Variants in CLNK observed in about 807,000 individuals in gnomAD.
CLNK encodes the protein cytokine dependent hematopoietic cell linker.
Under a neutral mutation model 68.6 loss-of-function variants are expected in CLNK, and 74 were observed. That is an observed-to-expected ratio of 1.08 (90% confidence interval 0.89 to 1.31). The LOEUF (loss-of-function observed/expected upper bound fraction) is 1.31. Ranked by LOEUF, CLNK falls within the 50% of genes most tolerant of loss-of-function variation. The pLI is 0.00. For missense variants in CLNK, 553 were observed against 515.3 expected (o/e 1.07, Z -0.71); for synonymous variants, 198 against 172.2 (o/e 1.15, Z -1.17).
chr4:10,626,959 C>G (rs1030206329), intron 2 of CLNK, among the ~76,000 whole-genome samples: 3 of 152,180 alleles, frequency 2.0e-5, no homozygotes, highest in African/African-American at 7.2e-5. Context: ...CACGTTTCAT[C>G]CATAGACTAG....
intron 11 of CLNK, among the ~76,000 whole-genome samples, chr4:10,534,225 A>G (rs1006880108): frequency 1.3e-5 from 2 of 152,180 alleles, no homozygotes; most frequent in South Asian, 2.1e-4. Context: ...AATCAATGGA[A>G]TTTTCACTGA....
chr4:10,632,538 A>G (rs1047990504), intron 2 of CLNK, among the ~76,000 whole-genome samples: 2 of 152,266 alleles, frequency 1.3e-5, no homozygotes, highest in Non-Finnish European at 1.5e-5. Context: ...ACTAAGTTGA[A>G]ATGCCACAAG....
chr4:10,491,558 A>G (rs1446784697), intron 18 of CLNK, among the ~76,000 whole-genome samples: 1 of 152,226 alleles, frequency 6.6e-6, no homozygotes, highest in African/African-American at 2.4e-5. Flanking sequence ...CTAGATACAC[A>G]GATAAAATGT....
At chr4:10,529,184 TG>T (rs1718433726) in intron 12 of CLNK, among the ~76,000 whole-genome samples, 1 of 152,232 alleles carries the variant, frequency 6.6e-6, no homozygotes. Context: ...AATGGCCTGA[TG>T]GGGTCCATGA....
intron 2 of CLNK, among the ~76,000 whole-genome samples, chr4:10,604,060 A>T (rs1421384239): frequency 1.3e-5 from 2 of 152,244 alleles, no homozygotes; most frequent in Non-Finnish European, 2.9e-5. Context: ...AGCTATGCCA[A>T]CTGAACAAGC....
the CLNK span, among the ~76,000 whole-genome samples, chr4:10,722,781 G>A: frequency 6.6e-6 from 1 of 152,214 alleles, no homozygotes; most frequent in Non-Finnish European, 1.5e-5. Context: ...AGGGCGTGGT[G>A]GCTCACGCCT....
the CLNK span, among the ~76,000 whole-genome samples, chr4:10,693,624 C>T: frequency 1.3e-5 from 2 of 152,236 alleles, no homozygotes; most frequent in African/African-American, 4.8e-5. Flanking sequence ...GGACTCACTT[C>T]TGTTGTTGTA....
the CLNK span, among the ~76,000 whole-genome samples, chr4:10,711,746 T>A: frequency 5.3e-5 from 8 of 152,220 alleles, no homozygotes; most frequent in Non-Finnish European, 1.0e-4. Context: ...GAGTCTCAGA[T>A]CATCCACTTT....
At chr4:10,643,320 T>C (rs540801268) in intron 2 of CLNK, among the ~76,000 whole-genome samples, 4 of 152,384 alleles carry the variant, frequency 2.6e-5, no homozygotes, top group African/African-American at 7.2e-5. Flanking sequence ...ATTAACAGAA[T>C]GTCTCTTGGA....
At chr4:10,580,738 T>C (rs1207333336) in intron 4 of CLNK, among the ~76,000 whole-genome samples, 1 of 152,086 alleles carries the variant, frequency 6.6e-6, no homozygotes, top group African/African-American at 2.4e-5. Flanking sequence ...GTACAATGCG[T>C]TTGTGCTTAA....
At chr4:10,656,271 A>G (rs962590385) in intron 2 of CLNK, among the ~76,000 whole-genome samples, 1 of 151,438 alleles carries the variant, frequency 6.6e-6, no homozygotes, top group African/African-American at 2.4e-5. Context: ...AAAATGAGAA[A>G]AGTGTGCAGA....
At chr4:10,643,244 T>G (rs1723377899) in intron 2 of CLNK, among the ~76,000 whole-genome samples, 1 of 152,246 alleles carries the variant, frequency 6.6e-6, no homozygotes, top group Non-Finnish European at 1.5e-5. Flanking sequence ...TCATATGACT[T>G]CACACTCATG....
chr4:10,654,383 A>AT (rs1491535642), intron 2 of CLNK, among the ~76,000 whole-genome samples: 6 of 103,916 alleles, frequency 5.8e-5, no homozygotes, highest in South Asian at 3.1e-4. Flanking sequence ...TATATTGATT[A>AT]AATATATATA....
Position 10,682,800 on chromosome 4 carries a change from A to G in CLNK, c.-43+1868T>C, listed in dbSNP as rs752413590. On this transcript the variant is annotated intron_variant, in intron 1 of 18. Coordinates refer to ENST00000226951, the MANE Select transcript of CLNK (RefSeq NM_052964.4). ...CTGCCTACTTCATTAAGCTGTTAAG[A>G]TCATTCAAGAAGAAAATATGTATTC... Among the ~76,000 whole-genome samples, 21 of 152,330 alleles carry G rather than the reference A, an allele frequency of 1.4e-4. No homozygotes were observed. In the South Asian group the frequency reaches 4.1e-3, roughly 30 times the overall value.
chr4:10,711,485 CACTG>C, the CLNK span, among the ~76,000 whole-genome samples: 1 of 152,164 alleles, frequency 6.6e-6, no homozygotes, highest in Non-Finnish European at 1.5e-5. Context: ...TCTCAGAGAA[CACTG>C]AGAGTCTTAG....
chr4:10,567,131 G>GAAAAAAA (rs61037076), intron 5 of CLNK, among the ~76,000 whole-genome samples: 3 of 110,546 alleles, frequency 2.7e-5, no homozygotes, highest in African/African-American at 6.8e-5. Flanking sequence ...ACAATCTTGG[G>GAAAAAAA]AAAAAAAAAA....
At chr4:10,581,819 T>C (rs898383607) in intron 4 of CLNK, among the ~76,000 whole-genome samples, 1 of 152,080 alleles carries the variant, frequency 6.6e-6, no homozygotes, top group African/African-American at 2.4e-5. Flanking sequence ...AATAGAGACA[T>C]TTGTTATCTA....
At chr4:10,520,695 A>T in intron 15 of CLNK, 96 bp downstream of exon 15, 5 of 836,712 alleles carry the variant, frequency 6.0e-6, no homozygotes, top group Non-Finnish European at 1.0e-5. Flanking sequence ...ACATCAGCTC[A>T]GTGGCTCTGG....
chr4:10,558,490 G>A (rs1719764676), intron 7 of CLNK, 38 bp from the exon 8 acceptor site: 2 of 1,589,102 alleles, frequency 1.3e-6, no homozygotes, highest in African/African-American at 1.3e-5. Context: ...CTCTTCAGTT[G>A]TGACTATGAC....
Sources: gnomAD v4.1 joint callset for allele counts (sites outside exome capture counted in the v4.1 genomes callset) on GRCh38, gnomAD v4.1.1 for gene constraint, MANE v1.5 for transcripts, NCBI Gene and HGNC (gene_info 2026-07-23, HGNC 2026-07-21) for gene names.